The following AKR1B15 variants were observed in gnomAD, a reference collection of about 807,000 sequenced individuals.
AKR1B15 encodes the protein aldo-keto reductase family 1 member B15.
AKR1B15 carries 49 observed loss-of-function variants against 38.5 expected under a neutral mutation model. The observed-to-expected ratio is 1.27, with a 90% CI of 1.01 to 1.62. The LOEUF (loss-of-function observed/expected upper bound fraction) is 1.62. AKR1B15 is among the 40% of genes most tolerant of loss of function. The probability of loss-of-function intolerance (pLI) is 0.00; values close to 1 mark genes in which losing one functional copy is unlikely to be tolerated. For synonymous variants in AKR1B15, 137 were observed against 135.5 expected, an observed-to-expected ratio of 1.01 and a Z score of -0.08; for missense variants, 411 against 381.6, an observed-to-expected ratio of 1.08 and a Z score of -0.64.
chr7:134,564,871 A>G, intron 3 of AKR1B15, 102 bp downstream of exon 3: 1 of 525,466 alleles, frequency 1.9e-6, no homozygotes, highest in Non-Finnish European at 3.4e-6. Flanking sequence ...TCCTGGGTCA[A>G]GTGGGGACTT....
intron 6 of AKR1B15, 108 bp downstream of exon 6, chr7:134,571,789 A>T: frequency 1.1e-6 from 1 of 876,690 alleles, no homozygotes; most frequent in Non-Finnish European, 1.8e-6. Context: ...TAATTTCATC[A>T]TTGTGATTCT....
At chr7:134,579,293 C>G (rs1794829003) in intron 11 of AKR1B15, among the ~76,000 whole-genome samples, 1 of 152,154 alleles carries the variant, frequency 6.6e-6, no homozygotes, top group African/African-American at 2.4e-5. Flanking sequence ...CGAGTTTATT[C>G]TGCTGCCCTG....
intron 3 of AKR1B15, among the ~76,000 whole-genome samples, chr7:134,567,939 C>T (rs59136474): frequency 0.35 from 53,149 of 151,868 alleles, 9,753 homozygotes; most frequent in Non-Finnish European, 0.41. Flanking sequence ...AAGACCCCAG[C>T]GAAGCCTTGG....
At chr7:134,562,872 T>TTCTTTCTC (rs1331701352) in intron 2 of AKR1B15, among the ~76,000 whole-genome samples, 2 of 145,590 alleles carry the variant, frequency 1.4e-5, no homozygotes, top group Admixed American at 1.4e-4. Context: ...CTTTCTTTCT[T>TTCTTTCTC]TCTTTCTTTC....
chr7:134,557,134 A>G (rs1298552291), intron 2 of AKR1B15, among the ~76,000 whole-genome samples: 1 of 152,190 alleles, frequency 6.6e-6, no homozygotes, highest in Non-Finnish European at 1.5e-5. Flanking sequence ...GGAGTACCAA[A>G]GTACCAAAGC....
intron 2 of AKR1B15, among the ~76,000 whole-genome samples, chr7:134,563,506 CCACTG>C (rs1794467520): frequency 6.6e-6 from 1 of 152,152 alleles, no homozygotes; most frequent in Non-Finnish European, 1.5e-5. Flanking sequence ...CAAGATCACA[CCACTG>C]CACTCCAGCC....
intron 1 of AKR1B15, among the ~76,000 whole-genome samples, chr7:134,551,796 T>C (rs1481503677): frequency 6.6e-6 from 1 of 152,162 alleles, no homozygotes; most frequent in Admixed American, 6.5e-5. Flanking sequence ...CCAATGTGCT[T>C]CTTGCAAGCA....
At chr7:134,577,554 A>C in intron 10 of AKR1B15, 150 bp from the exon 11 acceptor site, 1 of 859,534 alleles carries the variant, frequency 1.2e-6, no homozygotes, top group Non-Finnish European at 1.8e-6. Context: ...ATTTAGAGAA[A>C]AATTTGTATC....
intron 3 of AKR1B15, chr7:134,565,555 G>A (rs1348295665): frequency 9.9e-6 from 16 of 1,613,532 alleles, no homozygotes; most frequent in Non-Finnish European, 1.3e-5. Context: ...GGGTAAATAT[G>A]CAAATCTTTG....
rs1585801306 is a variant in AKR1B15, at chr7:134,564,738, G to A, written c.119G>A (p.Ser40Asn). 1 of 692,312 alleles carries A rather than the reference G, an allele frequency of 1.4e-6. No individual in the cohort carries two copies. The highest frequency in any genetic ancestry group is 1.5e-5 in the South Asian group (1 of 64,770). The allele number at this position is 692,312 out of a possible 1,614,324, so 42.9% of individuals were successfully genotyped here. Reference protein sequence around the residue: ...LKSSLLKDTTSAGPLLRPYPA... With the variant: ...LKSSLLKDTTNAGPLLRPYPA... ...AGTTCCCTTCTGAAGGACACTACAA[G>A]TGCAGGGCCCCTTCTTCGCCCCTAT... Residue 40 changes from serine (S) to asparagine (N), a missense_variant, in exon 3 of 12, where the codon AGT becomes AAT. Ser to Asn is a conservative substitution (Grantham distance 46). This residue lies in a region of AKR1B15 where 254 missense variants were observed against 212.4 expected (regional missense o/e 1.20). Transcript: ENST00000457545.
At chr7:134,568,917 G>A (rs1409134033) in intron 4 of AKR1B15, among the ~76,000 whole-genome samples, 1 of 151,854 alleles carries the variant, frequency 6.6e-6, no homozygotes, top group Non-Finnish European at 1.5e-5. Flanking sequence ...CTTACATCTG[G>A]TGGGACAAAT....
intron 2 of AKR1B15, 103 bp from the exon 3 acceptor site, chr7:134,564,495 C>T (rs184496840): frequency 1.2e-4 from 61 of 512,022 alleles, no homozygotes; most frequent in Admixed American, 5.5e-4. Flanking sequence ...TGGAGTTGGG[C>T]GACATGGCTT....
Position 134,579,836 on chromosome 7 carries a change from T to C in AKR1B15, c.*287T>C, listed in dbSNP as rs930663590. On this transcript the variant is annotated 3_prime_UTR_variant, in exon 12 of 12. Transcript: ENST00000457545. The stretch of plus-strand genomic sequence containing the variant: ...CCAGAAACTCTGCCAACACTGAGGA[T>C]GTAAAGATAAATAATAAAAAATAAT... 32 of 332,806 alleles carry C rather than the reference T, an allele frequency of 9.6e-5. No individual in the cohort carries two copies. Among genetic ancestry groups the C allele is most frequent in the African/African-American group, 6.6e-4 (31 of 46,916 alleles). The allele number at this position is 332,806 out of a possible 1,614,324, so 20.6% of individuals were successfully genotyped here.
chr7:134,565,571 C>T, intron 3 of AKR1B15: 1 of 1,613,232 alleles, frequency 6.2e-7, no homozygotes, highest in Non-Finnish European at 8.5e-7. Flanking sequence ...CTTTGCACAA[C>T]TTTCTTCTCT....
chr7:134,558,639 ACTC>A (rs1794284497), intron 2 of AKR1B15, among the ~76,000 whole-genome samples: 1 of 151,932 alleles, frequency 6.6e-6, no homozygotes, highest in South Asian at 2.1e-4. Context: ...GACTAAATAT[ACTC>A]CTATTGCTTG....
intron 1 of AKR1B15, among the ~76,000 whole-genome samples, chr7:134,554,515 T>C (rs1794120132): frequency 6.6e-6 from 1 of 152,072 alleles, no homozygotes. Context: ...TAAGGAGCCA[T>C]TTCAAGATCC....
chr7:134,558,202 T>C (rs996485521), intron 2 of AKR1B15, among the ~76,000 whole-genome samples: 11 of 152,148 alleles, frequency 7.2e-5, no homozygotes, highest in Non-Finnish European at 1.3e-4. Context: ...TTGCTTAACA[T>C]GTAAAAAAAG....
chr7:134,567,025 G>C (rs1382142727), intron 3 of AKR1B15, among the ~76,000 whole-genome samples: 1 of 152,190 alleles, frequency 6.6e-6, no homozygotes, highest in Non-Finnish European at 1.5e-5. Flanking sequence ...TCAACACGTG[G>C]GGATGATAGA....
Position 134,579,738 on chromosome 7 carries a change from A to T in AKR1B15, c.*189A>T, listed in dbSNP as rs1794842861. On this transcript the variant is annotated 3_prime_UTR_variant, in exon 12 of 12. Coordinates refer to ENST00000457545, the MANE Select transcript of AKR1B15 (RefSeq NM_001080538.3). ...TGTTCAACTAGGATAAGAATATCACAGAAAAGCATGGCCTGAATAAGCAAA... is the reference window on the plus strand; with the variant it reads ...TGTTCAACTAGGATAAGAATATCACTGAAAAGCATGGCCTGAATAAGCAAA... The T allele has an allele frequency of 3.8e-6, 2 of 521,834 alleles. No homozygotes were observed. The highest frequency in any genetic ancestry group is 6.6e-6 in the Non-Finnish European group (2 of 303,992). The allele number at this position is 521,834 out of a possible 1,614,324, so 32.3% of individuals were successfully genotyped here. A position where few individuals can be genotyped will look rare whatever the true frequency, so the allele number is the denominator to read the frequency against.
Sources: allele counts gnomAD v4.1 joint callset (sites outside exome capture counted in the v4.1 genomes callset), GRCh38; gene constraint gnomAD v4.1.1; regional missense constraint gnomAD v4.1.1; transcripts MANE v1.5; gene names NCBI Gene and HGNC (gene_info 2026-07-23, HGNC 2026-07-21).